GMPR: variants seen among roughly 807,000 people sequenced by gnomAD.
GMPR encodes the protein guanosine monophosphate reductase.
A neutral mutation model predicts 38.4 loss-of-function variants in GMPR; 31 were observed. The ratio of observed to expected loss-of-function variants is 0.81; its 90% CI spans 0.61 to 1.09. The LOEUF is 1.09. Among genes scored for constraint, GMPR ranks in the 50% least tolerant of loss-of-function variants. The pLI is 0.00. For synonymous variants in GMPR, 162 were observed against 173.3 expected, an observed-to-expected ratio of 0.93 and a Z score of 0.51; for missense variants, 468 against 453.7, an observed-to-expected ratio of 1.03 and a Z score of -0.29.
intron 4 of GMPR, among the ~76,000 whole-genome samples, chr6:16,267,812 T>TA (rs971299041): frequency 6.6e-6 from 1 of 152,174 alleles, no homozygotes; most frequent in African/African-American, 2.4e-5. Context: ...TCAGATTAGA[T>TA]AGAGGCCAAG....
chr6:16,269,506 C>T (rs1346708939), intron 4 of GMPR, among the ~76,000 whole-genome samples: 1 of 152,136 alleles, frequency 6.6e-6, no homozygotes, highest in Non-Finnish European at 1.5e-5. Context: ...TTATAAAAAT[C>T]AGAAGTTGGC....
chr6:16,278,702 C>A, intron 5 of GMPR, 82 bp from the exon 6 acceptor site: 1 of 974,906 alleles, frequency 1.0e-6, no homozygotes. Context: ...AGCAGGGCTG[C>A]AAAGGTAAGG....
At chr6:16,291,175 C>T (rs1403296190) in intron 8 of GMPR, among the ~76,000 whole-genome samples, 2 of 152,190 alleles carry the variant, frequency 1.3e-5, no homozygotes, top group Non-Finnish European at 2.9e-5. Context: ...TTGTGTCATC[C>T]ACTGTAGAAG....
chr6:16,290,527 G>T lies in GMPR; in HGVS notation c.763G>T (p.Val255Leu). The part of the protein sequence containing the change: ...FSGHTECAGE[V>L]FERNGRKLKL... ...GGGTCATACGGAGTGTGCTGGAGAA[G>T]TGTTTGAGAGGAACGGACGGAAGCT... is the stretch of plus-strand genomic sequence containing the variant. The change falls in exon 8 of 9, where the codon GTG becomes TTG. Residue 255 changes from valine to leucine, a missense_variant. Physicochemically the swap from Val to Leu is conservative, Grantham distance 32. Coordinates refer to ENST00000259727, the MANE Select transcript of GMPR (RefSeq NM_006877.4). 1 of 1,614,072 alleles carries T rather than the reference G, an allele frequency of 6.2e-7. No homozygotes were observed. Among genetic ancestry groups the T allele is most frequent in the Non-Finnish European group, 8.5e-7 (1 of 1,179,928 alleles).
intron 6 of GMPR, among the ~76,000 whole-genome samples, chr6:16,282,006 G>A (rs1212598750): frequency 2.6e-5 from 4 of 152,238 alleles, no homozygotes; most frequent in African/African-American, 9.6e-5. Flanking sequence ...GCACGGGCAC[G>A]TTTCTGTCAC....
At chr6:16,261,339 T>G (rs1175635639) in intron 4 of GMPR, among the ~76,000 whole-genome samples, 1 of 151,924 alleles carries the variant, frequency 6.6e-6, no homozygotes, top group Non-Finnish European at 1.5e-5. Context: ...ACTGAAGTAA[T>G]GGGGGCTGTC....
intron 8 of GMPR, among the ~76,000 whole-genome samples, chr6:16,290,829 T>G (rs961850984): frequency 6.6e-6 from 1 of 152,170 alleles, no homozygotes; most frequent in Non-Finnish European, 1.5e-5. Context: ...TGTTTGGTGA[T>G]GGGTTGGAAG....
chr6:16,291,873 T>G (rs4716057), intron 8 of GMPR, among the ~76,000 whole-genome samples: 21,467 of 149,980 alleles, frequency 0.14, 1,631 homozygotes, highest in South Asian at 0.18. Context: ...ATCGTGCCAC[T>G]GTGCTCCAGC....
intron 4 of GMPR, among the ~76,000 whole-genome samples, chr6:16,259,710 A>C (rs1759044832): frequency 6.6e-6 from 1 of 152,072 alleles, no homozygotes; most frequent in Non-Finnish European, 1.5e-5. Flanking sequence ...GAAAAACTAA[A>C]CGGAATAAGA....
chr6:16,268,480 T>C (rs1449953379), intron 4 of GMPR, among the ~76,000 whole-genome samples: 2 of 152,202 alleles, frequency 1.3e-5, no homozygotes, highest in South Asian at 2.1e-4. Flanking sequence ...GGTTTTGCCA[T>C]ATTGGCCAGG....
chr6:16,251,431 G>A (rs1467670691), intron 3 of GMPR, among the ~76,000 whole-genome samples: 5 of 152,190 alleles, frequency 3.3e-5, no homozygotes, highest in African/African-American at 9.7e-5. Context: ...TTAGCCGGGC[G>A]TGGTGGCGCA....
chr6:16,289,815 G>A (rs1759798413), intron 7 of GMPR: 1 of 135,816 alleles, frequency 7.4e-6, no homozygotes. Context: ...TTAAGTACAA[G>A]ATTAGGTAAC....
intron 8 of GMPR, among the ~76,000 whole-genome samples, chr6:16,294,663 G>A (rs960358576): frequency 6.6e-6 from 1 of 152,188 alleles, no homozygotes; most frequent in Non-Finnish European, 1.5e-5. Flanking sequence ...GGTGGTTTCT[G>A]TTAGCAGCAG....
intron 5 of GMPR, among the ~76,000 whole-genome samples, chr6:16,278,223 C>T (rs1012836371): frequency 6.6e-6 from 1 of 152,120 alleles, no homozygotes; most frequent in Non-Finnish European, 1.5e-5. Context: ...TGTCGTGCTG[C>T]AGGCCAGGCC....
chr6:16,243,133 TAA>T (rs1758681220), intron 1 of GMPR, among the ~76,000 whole-genome samples: 3 of 152,116 alleles, frequency 2.0e-5, no homozygotes, highest in Admixed American at 1.3e-4. Flanking sequence ...TTTGGAAAAT[TAA>T]AGAGTTTGGC....
chr6:16,280,357 C>T (rs1304351645), intron 6 of GMPR, among the ~76,000 whole-genome samples: 2 of 152,172 alleles, frequency 1.3e-5, no homozygotes, highest in African/African-American at 2.4e-5. Context: ...TCTAATGCCT[C>T]ATCCAAATTT....
chr6:16,279,565 A>T (rs781538129), intron 6 of GMPR, among the ~76,000 whole-genome samples: 9 of 152,248 alleles, frequency 5.9e-5, no homozygotes, highest in Non-Finnish European at 1.2e-4. Context: ...ATAACAGGCC[A>T]CGTATCCCAT....
intron 1 of GMPR, among the ~76,000 whole-genome samples, chr6:16,242,312 C>T (rs1758664656): frequency 6.7e-6 from 1 of 150,238 alleles, no homozygotes; most frequent in Non-Finnish European, 1.5e-5. Context: ...GTGTTTTAGT[C>T]CAAGCTCTGT....
intron 8 of GMPR, among the ~76,000 whole-genome samples, chr6:16,293,921 C>A (rs1273574660): frequency 6.6e-6 from 1 of 152,228 alleles, no homozygotes; most frequent in Non-Finnish European, 1.5e-5. Flanking sequence ...TTTCAGATTT[C>A]CTTCTGGTAA....
Sources: allele counts gnomAD v4.1 joint callset (sites outside exome capture counted in the v4.1 genomes callset), GRCh38; gene constraint gnomAD v4.1.1; transcripts MANE v1.5; gene names NCBI Gene and HGNC (gene_info 2026-07-23, HGNC 2026-07-21).